CISD2: variants seen among roughly 807,000 people sequenced by gnomAD.
CISD2 encodes the protein CDGSH iron sulfur domain 2, also known as CDGSH iron-sulfur domain-containing protein 2.
Under a neutral mutation model 12.9 loss-of-function variants are expected in CISD2, and 1 was observed. The ratio of observed to expected loss-of-function variants is 0.08; its 90% CI spans 0.03 to 0.37. CISD2 has a LOEUF of 0.37. CISD2 is among the 10% of genes least tolerant of loss of function. The pLI, the probability that CISD2 is intolerant of heterozygous loss-of-function variation, is 0.99. For missense variants in CISD2, 97 were observed against 163.1 expected (o/e 0.59, Z 2.21); for synonymous variants, 50 against 60.6 (o/e 0.83, Z 0.81).
At chr4:102,871,637 C>G (rs982040432) in intron 1 of CISD2, among the ~76,000 whole-genome samples, 1 of 152,122 alleles carries the variant, frequency 6.6e-6, no homozygotes, top group Admixed American at 6.5e-5. Context: ...CTCTCGGTCT[C>G]CCATTCTGAA....
chr4:102,869,782 G>A (rs942329878), intron 1 of CISD2, among the ~76,000 whole-genome samples: 10 of 152,184 alleles, frequency 6.6e-5, no homozygotes, highest in Non-Finnish European at 1.5e-5. Context: ...GCCCGCTGCG[G>A]TAACTTAAGT....
At chr4:102,885,555 C>T (rs1277088485) in intron 2 of CISD2, 125 bp downstream of exon 2, 1 of 755,954 alleles carries the variant, frequency 1.3e-6, no homozygotes, top group East Asian at 2.7e-5. Flanking sequence ...ATTGAAAGAC[C>T]ATATTCCTAA....
At chr4:102,877,138 T>C (rs1197247736) in intron 1 of CISD2, among the ~76,000 whole-genome samples, 1 of 152,240 alleles carries the variant, frequency 6.6e-6, no homozygotes, top group Non-Finnish European at 1.5e-5. Flanking sequence ...AAATCAATCA[T>C]GCCTTCCCAA....
At position 102,869,045 on chromosome 4, in the gene CISD2, CGGA is replaced by C. The variant is rs745626265; in HGVS notation, c.-37_-35del. ...CGCAGGCGCGGCAGCTTGGCCAGAG[CGGA>C]GGGGGCTCGGGAGAGGAGTGGACGC... On this transcript the variant is annotated 5_prime_UTR_variant, in exon 1 of 3. Transcript: ENST00000273986. The C allele has an allele frequency of 5.9e-5, 93 of 1,580,430 alleles. No homozygotes were observed. Among genetic ancestry groups the C allele is most frequent in the Non-Finnish European group, 7.7e-5 (90 of 1,164,602 alleles).
rs140885736 is a variant in CISD2, at chr4:102,872,982, C to T, written c.103+3795C>T. 2.1e-3 allele frequency among the ~76,000 whole-genome samples: 322 copies of T among 152,212 alleles called. 4 individuals are homozygous for T. The highest frequency in any genetic ancestry group is 7.4e-3 in the African/African-American group (307 of 41,522). On this transcript the variant is annotated intron_variant, in intron 1 of 2. Transcript: ENST00000273986. The stretch of plus-strand genomic sequence containing the variant: ...GGCCTTAGGAAACGTACAATCATGG[C>T]GGAAGGCGAAGGGGAAACAAGGCAC...
intron 1 of CISD2, among the ~76,000 whole-genome samples, chr4:102,870,044 G>T (rs1296222168): frequency 6.6e-6 from 1 of 152,168 alleles, no homozygotes; most frequent in African/African-American, 2.4e-5. Context: ...AGACCGAGTA[G>T]GATGGTGAAG....
At chr4:102,883,059 G>A (rs1485303560) in intron 1 of CISD2, among the ~76,000 whole-genome samples, 8 of 152,046 alleles carry the variant, frequency 5.3e-5, no homozygotes, top group Admixed American at 1.3e-4. Flanking sequence ...TATATTAACC[G>A]TGTTTTCAAT....
chr4:102,877,388 TC>T (rs1733616040), intron 1 of CISD2, among the ~76,000 whole-genome samples: 1 of 152,192 alleles, frequency 6.6e-6, no homozygotes, highest in African/African-American at 2.4e-5. Flanking sequence ...AGTGGGGCAG[TC>T]ATTAAATCAT....
Position 102,885,197 on chromosome 4 carries a change from G to T in CISD2, c.104-19G>T. On this transcript the variant is annotated intron_variant, in intron 1 of 2. Coordinates refer to ENST00000273986, the MANE Select transcript of CISD2 (RefSeq NM_001008388.5). The stretch of plus-strand genomic sequence containing the variant: ...CTTTTCCAAGAGCACTGCAGATTCT[G>T]ACACATCTACATGTTTAGTTTCAGA... 1 of 1,597,370 alleles carries T rather than the reference G, an allele frequency of 6.3e-7. No individual in the cohort carries two copies. Among genetic ancestry groups the T allele is most frequent in the South Asian group, 1.1e-5 (1 of 90,600 alleles).
intron 2 of CISD2, among the ~76,000 whole-genome samples, 187 bp from the exon 3 acceptor site, chr4:102,887,152 GAA>G (rs1184790693): frequency 6.6e-6 from 1 of 152,136 alleles, no homozygotes; most frequent in Admixed American, 6.5e-5. Context: ...ACCAAATAAT[GAA>G]GTAACTGTTT....
chr4:102,874,972 T>A (rs1733559342), intron 1 of CISD2, among the ~76,000 whole-genome samples: 1 of 152,218 alleles, frequency 6.6e-6, no homozygotes, highest in Non-Finnish European at 1.5e-5. Flanking sequence ...GGTGAACAAT[T>A]TCCTAGTTAG....
At chr4:102,879,952 A>AT (rs1435105311) in intron 1 of CISD2, among the ~76,000 whole-genome samples, 2 of 151,040 alleles carry the variant, frequency 1.3e-5, no homozygotes, top group Non-Finnish European at 1.5e-5. Context: ...TATTTTTTTT[A>AT]TTTTTTTGAG....
At chr4:102,871,599 G>A (rs1270921519) in intron 1 of CISD2, among the ~76,000 whole-genome samples, 2 of 152,128 alleles carry the variant, frequency 1.3e-5, no homozygotes. Flanking sequence ...GAGTACTATA[G>A]AAGAAAAATT....
At chr4:102,872,296 C>T (rs920550031) in intron 1 of CISD2, among the ~76,000 whole-genome samples, 12 of 152,144 alleles carry the variant, frequency 7.9e-5, no homozygotes, top group African/African-American at 2.7e-4. Flanking sequence ...TCTTGAACTC[C>T]TGACCTCAGG....
chr4:102,879,092 C>A (rs1733655211), intron 1 of CISD2, among the ~76,000 whole-genome samples: 1 of 152,058 alleles, frequency 6.6e-6, no homozygotes, highest in Non-Finnish European at 1.5e-5. Context: ...CTCATGAGAA[C>A]TCACTATCAG....
rs577632757 is a variant in CISD2, at chr4:102,891,072, T to G, written c.*3642T>G. Reference sequence around the variant, plus strand: ...TGATAGATCCAGAACAAGGAAATGATGTATGTGTTTACATATTACATCTAC... The same window carrying G: ...TGATAGATCCAGAACAAGGAAATGAGGTATGTGTTTACATATTACATCTAC... On this transcript the variant is annotated 3_prime_UTR_variant, in exon 3 of 3. Coordinates refer to ENST00000273986, the MANE Select transcript of CISD2 (RefSeq NM_001008388.5). 1 of 151,226 alleles carries G rather than the reference T, an allele frequency of 6.6e-6. No individual in the cohort carries two copies. The highest frequency in any genetic ancestry group is 2.5e-5 in the African/African-American group (1 of 40,578). 9.4% of individuals were successfully genotyped at this position (151,226 alleles called of 1,614,324 possible).
intron 1 of CISD2, among the ~76,000 whole-genome samples, chr4:102,876,463 C>G (rs1488079254): frequency 6.6e-6 from 1 of 152,106 alleles, no homozygotes; most frequent in African/African-American, 2.4e-5. Context: ...GGTAACTACT[C>G]AAGAGGCCAG....
At chr4:102,872,262 G>C (rs763246863) in intron 1 of CISD2, among the ~76,000 whole-genome samples, 5 of 152,082 alleles carry the variant, frequency 3.3e-5, no homozygotes, top group Non-Finnish European at 7.4e-5. Flanking sequence ...TAGAGACGGA[G>C]TTTCACCATG....
At chr4:102,875,362 C>T (rs1036715308) in intron 1 of CISD2, among the ~76,000 whole-genome samples, 9 of 152,190 alleles carry the variant, frequency 5.9e-5, no homozygotes. Flanking sequence ...GTATTATGAT[C>T]GTCTTTTATA....
Sources: allele counts gnomAD v4.1 joint callset (sites outside exome capture counted in the v4.1 genomes callset), GRCh38; gene constraint gnomAD v4.1.1; transcripts MANE v1.5; gene names NCBI Gene and HGNC (gene_info 2026-07-23, HGNC 2026-07-21).